Variants in NCL observed in about 807,000 individuals in gnomAD.
NCL encodes nucleolin multifunctional protein.
NCL carries 4 observed loss-of-function variants against 77.7 expected under a neutral mutation model. The observed-to-expected ratio is 0.05, with a 90% CI of 0.03 to 0.12. NCL has a LOEUF of 0.12. Among genes scored for constraint, NCL ranks in the 10% least tolerant of loss-of-function variants. The probability of loss-of-function intolerance (pLI) is 1.00; values close to 1 mark genes in which losing one functional copy is unlikely to be tolerated. For synonymous variants in NCL, 344 were observed against 297.8 expected (o/e 1.16, Z -1.60); for missense variants, 763 against 860.9 (o/e 0.89, Z 1.42).
At chr2:231,456,499 C>CATCAATTATTTCATCAATTAT (rs1252464265) in intron 11 of NCL, 132 bp downstream of exon 11, 1 of 1,377,766 alleles carries the variant, frequency 7.3e-7, no homozygotes, top group Non-Finnish European at 1.0e-6. Context: ...TCAATTATTT[C>CATCAATTATTTCATCAATTAT]TCAGGTAATC....
chr2:231,453,566 C>T lies in NCL; in HGVS notation c.*1625G>A, dbSNP rs766772542. On this transcript the variant is annotated 3_prime_UTR_variant, in exon 14 of 14. Coordinates refer to ENST00000322723, the MANE Select transcript of NCL (RefSeq NM_005381.3). ...TTAACTGAGCTTTTAATTCCTTATCCAGAATACAGGCTGCAAGGCCTTCCT... is the reference window on the plus strand; with the variant it reads ...TTAACTGAGCTTTTAATTCCTTATCTAGAATACAGGCTGCAAGGCCTTCCT... The T allele has an allele frequency of 6.3e-6, 1 of 157,712 alleles. No homozygotes were observed. Among genetic ancestry groups the T allele is most frequent in the South Asian group, 1.9e-4 (1 of 5,306 alleles). The allele number at this position is 157,712 out of a possible 1,614,324, so 9.8% of individuals were successfully genotyped here. A position where few individuals can be genotyped will look rare whatever the true frequency, so the allele number is the denominator to read the frequency against.
At chr2:231,457,906 CTTAGTT>C in intron 8 of NCL, 106 bp from the exon 9 acceptor site, 2 of 1,055,146 alleles carry the variant, frequency 1.9e-6, no homozygotes, top group South Asian at 4.6e-5. Flanking sequence ...AATAAATGCC[CTTAGTT>C]TTATGCCACT....
At chr2:231,460,603 C>T (rs1180015344) in intron 4 of NCL, 39 bp from the exon 5 acceptor site, 2 of 1,614,128 alleles carry the variant, frequency 1.2e-6, no homozygotes, top group Non-Finnish European at 1.7e-6. Context: ...ACATCAGTAG[C>T]CACAAACACT....
chr2:231,458,854 C>G (rs886337544), intron 7 of NCL, 147 bp downstream of exon 7: 14 of 869,404 alleles, frequency 1.6e-5, no homozygotes, highest in Middle Eastern at 3.7e-4. Context: ...AACACTGTAG[C>G]TCATTTAATT....
intron 3 of NCL, 64 bp downstream of exon 3, chr2:231,461,476 T>C: frequency 7.0e-6 from 11 of 1,570,384 alleles, no homozygotes; most frequent in Non-Finnish European, 9.5e-6. Flanking sequence ...AGGAATATGT[T>C]GATCCCAGAA....
chr2:231,457,407 T>C (rs757847407), intron 9 of NCL: 1 of 751,672 alleles, frequency 1.3e-6, no homozygotes, highest in Non-Finnish European at 2.4e-6. Context: ...AAAACATGCC[T>C]ACAAAGGAAG....
rs144431508 is a variant in NCL at position 231,453,570 on chromosome 2, A to G, written c.*1621T>C. On this transcript the variant is annotated 3_prime_UTR_variant, in exon 14 of 14. Coordinates refer to ENST00000322723, the MANE Select transcript of NCL (RefSeq NM_005381.3). ...CTGAGCTTTTAATTCCTTATCCAGA[A>G]TACAGGCTGCAAGGCCTTCCTTTTT... 23 of 157,160 alleles carry G rather than the reference A, an allele frequency of 1.5e-4. No individual in the cohort carries two copies. Among genetic ancestry groups the G allele is most frequent in the Non-Finnish European group, 2.4e-4 (17 of 70,678 alleles). 9.7% of individuals were successfully genotyped at this position (157,160 alleles called of 1,614,324 possible). A position where few individuals can be genotyped will look rare whatever the true frequency, so the allele number is the denominator to read the frequency against.
chr2:231,456,207 GTATGACTAC>G, intron 11 of NCL, 71 bp from the exon 12 acceptor site: 1 of 1,578,286 alleles, frequency 6.3e-7, no homozygotes, highest in South Asian at 1.1e-5. Context: ...ACAATGCCTA[GTATGACTAC>G]TAGCCAAGAA....
rs751632928 is a variant in NCL at position 231,455,825 on chromosome 2, T to C, written c.1832+185A>G. The C allele has an allele frequency of 6.9e-5, 82 of 1,192,852 alleles. No individual in the cohort carries two copies. The Admixed American group carries it at 1.4e-3, about 20-fold the overall frequency. 73.9% of individuals were successfully genotyped at this position (1,192,852 alleles called of 1,614,324 possible). ...GAATGTCTCACAATACAGCTAAATATACCTCTGTAAAGACAGAAGGTAAAA... is the reference window on the plus strand; with the variant it reads ...GAATGTCTCACAATACAGCTAAATACACCTCTGTAAAGACAGAAGGTAAAA... On this transcript the variant is annotated intron_variant, in intron 12 of 13. Transcript: ENST00000322723.
At chr2:231,462,965 C>A in intron 2 of NCL, 1 of 490,398 alleles carries the variant, frequency 2.0e-6, no homozygotes. Flanking sequence ...AATCACACTC[C>A]AAGCCCTGCA....
At chr2:231,463,492 C>A in intron 1 of NCL, 176 bp from the exon 2 acceptor site, 2 of 615,478 alleles carry the variant, frequency 3.2e-6, no homozygotes, top group South Asian at 3.9e-5. Context: ...GGACTACTCT[C>A]AACCGCCCAC....
chr2:231,461,808 G>A lies in NCL; in HGVS notation c.345C>T (p.Gly115=), dbSNP rs751870531. The change falls in exon 3 of 14, where the codon GGC becomes GGT. Residue 115 remains glycine (G), a synonymous_variant. Transcript: ENST00000322723. The part of the protein sequence containing the change: ...TTPGKKGATP[G]KALVATPGKK... Reference sequence around the variant, plus strand: ...TACCAGGAGTTGCTACCAATGCTTTGCCTGGTGTGGCTCCCTTCTTGCCAG... The same window carrying A: ...TACCAGGAGTTGCTACCAATGCTTTACCTGGTGTGGCTCCCTTCTTGCCAG... 6.2e-7 allele frequency: 1 copy of A among 1,614,202 alleles called. No homozygotes were observed. The highest frequency in any genetic ancestry group is 1.1e-5 in the South Asian group (1 of 91,080).
chr2:231,463,545 G>A (rs980768880), intron 1 of NCL: 18 of 510,870 alleles, frequency 3.5e-5, no homozygotes, highest in Non-Finnish European at 6.2e-5. Context: ...CTGCCCTAAG[G>A]TAAAAAGTCA....
chr2:231,457,251 C>G (rs1360835385), intron 9 of NCL, 127 bp from the exon 10 acceptor site: 1 of 1,308,470 alleles, frequency 7.6e-7, no homozygotes, highest in Non-Finnish European at 1.1e-6. Flanking sequence ...ATGACGTAAG[C>G]TAAATCCATT....
chr2:231,455,235 C>G lies in NCL; in HGVS notation c.2089G>C (p.Gly697Arg). 1 of 1,614,212 alleles carries G rather than the reference C, an allele frequency of 6.2e-7. No individual in the cohort carries two copies. The highest frequency in any genetic ancestry group is 1.6e-4 in the Middle Eastern group (1 of 6,062). Residue 697 changes from glycine to arginine, a missense_variant, in exon 14 of 14, where the codon GGA becomes CGA. This residue lies in a region of NCL where 173 missense variants were observed against 290.4 expected (regional missense o/e 0.60). Transcript: ENST00000322723. ...RGGFRGGRGG[G>R]GDHKPQGKKT... Reference sequence around the variant, plus strand: ...TTTCCTTGTGGCTTGTGGTCACCTCCTCCTCCTCTGCCTCCTCGGAAGCCT... The same window carrying G: ...TTTCCTTGTGGCTTGTGGTCACCTCGTCCTCCTCTGCCTCCTCGGAAGCCT...
Position 231,460,825 on chromosome 2 carries a change from T to C in NCL, c.655A>G (p.Lys219Glu). Residue 219 changes from lysine (K) to glutamate (E), a missense_variant, in exon 4 of 14, where the codon AAG becomes GAG. Lys to Glu is a moderately conservative substitution (Grantham distance 56). Transcript: ENST00000322723. ...EAMETTPAKG[K>E]KAAKVVPVKA... is the part of the protein sequence containing the mutation. ...ACAGGAACAACTTTTGCAGCTTTCTTTCCTTTGGCTGGTGTAGTCTCCATA... is the reference window on the plus strand; with the variant it reads ...ACAGGAACAACTTTTGCAGCTTTCTCTCCTTTGGCTGGTGTAGTCTCCATA... 2 of 1,614,180 alleles carry C rather than the reference T, an allele frequency of 1.2e-6. No homozygotes were observed. The highest frequency in any genetic ancestry group is 1.1e-5 in the South Asian group (1 of 91,086).
At position 231,454,864 on chromosome 2, in the gene NCL, A is replaced by G. The variant is rs139343169; in HGVS notation, c.*327T>C. 0.021 allele frequency: 4,292 copies of G among 202,970 alleles called. 255 individuals carry two copies. Among genetic ancestry groups the G allele is most frequent in the East Asian group, 0.15 (1,291 of 8,522 alleles). The allele number at this position is 202,970 out of a possible 1,614,324, so 12.6% of individuals were successfully genotyped here. ...ACGAACGCAAAAAAAAAAAAAACAAAAACAAAACAAAAAAAAGAAACAACA... is the reference window on the plus strand; with the variant it reads ...ACGAACGCAAAAAAAAAAAAAACAAGAACAAAACAAAAAAAAGAAACAACA... On this transcript the variant is annotated 3_prime_UTR_variant, in exon 14 of 14. Coordinates refer to ENST00000322723, the MANE Select transcript of NCL (RefSeq NM_005381.3).
chr2:231,463,424 C>A (rs1414517191), intron 1 of NCL, 108 bp from the exon 2 acceptor site: 1 of 781,860 alleles, frequency 1.3e-6, no homozygotes, highest in African/African-American at 1.7e-5. Flanking sequence ...AGATCCATTT[C>A]TCATAGTGCC....
At position 231,461,961 on chromosome 2, in the gene NCL, C is replaced by G; in HGVS notation, c.192G>C (p.Val64=). Residue 64 remains valine (V), a synonymous_variant, in exon 3 of 14, where the codon GTG becomes GTC. Transcript: ENST00000322723. ...KKAAATSAKK[V]VVSPTKKVAV... ...CAACCTTTTTTGTTGGGGAAACGAC[C>G]ACCTTCTTTGCTGAGGTTGCAGCAG... 6.2e-7 allele frequency: 1 copy of G among 1,614,232 alleles called. No individual in the cohort carries two copies. Among genetic ancestry groups the G allele is most frequent in the Non-Finnish European group, 8.5e-7 (1 of 1,180,042 alleles).
Sources: allele counts gnomAD v4.1 joint callset, GRCh38; gene constraint gnomAD v4.1.1; regional missense constraint gnomAD v4.1.1; transcripts MANE v1.5; gene names NCBI Gene and HGNC (gene_info 2026-07-23, HGNC 2026-07-21).